NKAIN2: variants seen among roughly 807,000 people sequenced by gnomAD.
NKAIN2 encodes the protein sodium/potassium transporting ATPase interacting 2, also known as sodium/potassium-transporting ATPase subunit beta-1-interacting protein 2.
NKAIN2 carries 14 observed loss-of-function variants against 32.6 expected under a neutral mutation model. The observed-to-expected ratio is 0.43, with a 90% CI of 0.28 to 0.67. The LOEUF is 0.67. NKAIN2 is among the 30% of genes least tolerant of loss of function. The pLI, the probability that NKAIN2 is intolerant of heterozygous loss-of-function variation, is 0.17. For missense variants in NKAIN2, 198 were observed against 258.3 expected (o/e 0.77, Z 1.60); for synonymous variants, 80 against 87.2 (o/e 0.92, Z 0.46).
At chr6:124,005,351 ACT>A (rs1780036172) in intron 1 of NKAIN2, among the ~76,000 whole-genome samples, 1 of 152,064 alleles carries the variant, frequency 6.6e-6, no homozygotes, top group African/African-American at 2.4e-5. Context: ...GTTTGCAATG[ACT>A]CTTGCAAATA....
At chr6:124,460,826 C>T (rs1399641254) in intron 3 of NKAIN2, among the ~76,000 whole-genome samples, 1 of 151,572 alleles carries the variant, frequency 6.6e-6, no homozygotes, top group Non-Finnish European at 1.5e-5. Flanking sequence ...TTCTATCTAT[C>T]CTTACCCTTT....
rs772415964 is a variant in NKAIN2, at chr6:124,157,250, G to GACACAC, written c.55-125743_55-125738dup. ...ACACGGTGGGAGGTGTGTCATAATG[G>GACACAC]ACACACACACACACACATACACACA... On this transcript the variant is annotated intron_variant, in intron 1 of 6. Transcript: ENST00000368417. Among the ~76,000 whole-genome samples the GACACAC allele has an allele frequency of 1.5e-3, 164 of 109,920 alleles. 1 individual carries two copies. The highest frequency in any genetic ancestry group is 7.0e-3 in the South Asian group (23 of 3,290). The allele number at this position is 109,920 out of a possible 152,430, so 72.1% of individuals were successfully genotyped here. A position where few individuals can be genotyped will look rare whatever the true frequency, so the allele number is the denominator to read the frequency against.
At chr6:124,807,477 C>T (rs1478129312) in intron 5 of NKAIN2, among the ~76,000 whole-genome samples, 14 of 151,054 alleles carry the variant, frequency 9.3e-5, no homozygotes, top group Admixed American at 2.6e-4. Context: ...ATCTCTGGGA[C>T]GCATTCAAAG....
intron 3 of NKAIN2, among the ~76,000 whole-genome samples, chr6:124,600,745 A>G (rs191200067): frequency 1.4e-3 from 213 of 152,242 alleles, no homozygotes; most frequent in African/African-American, 4.8e-3. Flanking sequence ...AAAGTCAGTT[A>G]TAGTTTTTTT....
chr6:124,343,392 A>C (rs9482538), intron 2 of NKAIN2, among the ~76,000 whole-genome samples: 4 of 148,470 alleles, frequency 2.7e-5, no homozygotes, highest in Non-Finnish European at 6.0e-5. Context: ...TCTAGATCCC[A>C]GAGGAATCGC....
chr6:124,575,129 T>C (rs139708685), intron 3 of NKAIN2, among the ~76,000 whole-genome samples: 55 of 152,324 alleles, frequency 3.6e-4, no homozygotes, highest in African/African-American at 1.3e-3. Flanking sequence ...AACTTCCTTT[T>C]GTAAGCTTTT....
chr6:123,890,441 G>A (rs1056710111), intron 1 of NKAIN2, among the ~76,000 whole-genome samples: 4 of 151,742 alleles, frequency 2.6e-5, no homozygotes, highest in Non-Finnish European at 4.4e-5. Context: ...ATCAGTAATG[G>A]GGAATACTAT....
chr6:124,546,475 T>C (rs1780097867), intron 3 of NKAIN2, among the ~76,000 whole-genome samples: 1 of 152,090 alleles, frequency 6.6e-6, no homozygotes, highest in Non-Finnish European at 1.5e-5. Context: ...TCAGAGATGC[T>C]TAGCATGGTG....
At chr6:123,939,327 G>T (rs1418194306) in intron 1 of NKAIN2, among the ~76,000 whole-genome samples, 1 of 151,854 alleles carries the variant, frequency 6.6e-6, no homozygotes. Flanking sequence ...GTAAACTAAT[G>T]CCTTACCCCG....
intron 3 of NKAIN2, among the ~76,000 whole-genome samples, chr6:124,560,975 C>A (rs575622668): frequency 6.6e-6 from 1 of 152,244 alleles, no homozygotes; most frequent in African/African-American, 2.4e-5. Flanking sequence ...TGAAGCCCAG[C>A]AATCTTCTAG....
chr6:124,131,757 C>T (rs191905495), intron 1 of NKAIN2, among the ~76,000 whole-genome samples: 1 of 152,224 alleles, frequency 6.6e-6, no homozygotes, highest in African/African-American at 2.4e-5. Flanking sequence ...GGAAGGCATC[C>T]CTGACTATGT....
rs117178381 is a variant in NKAIN2 at position 124,767,574 on chromosome 6, G to T, written c.475-23765G>T. 1.2e-3 allele frequency among the ~76,000 whole-genome samples: 180 copies of T among 152,182 alleles called. 3 individuals carry two copies. The East Asian group carries it at 0.032, about 27-fold the overall frequency. ...TAAAATATCTACTCAGCTCTTTATA[G>T]CCTTCAGCTCTATTTTTTTTCTCCC... On this transcript the variant is annotated intron_variant, in intron 4 of 6. Transcript: ENST00000368417.
At chr6:123,910,726 G>A (rs905296058) in intron 1 of NKAIN2, among the ~76,000 whole-genome samples, 3 of 151,580 alleles carry the variant, frequency 2.0e-5, no homozygotes, top group Non-Finnish European at 4.4e-5. Context: ...GGATGGTCTC[G>A]ATCTCTTGAC....
chr6:124,670,382 A>T (rs1052206174), intron 4 of NKAIN2, among the ~76,000 whole-genome samples: 29 of 152,100 alleles, frequency 1.9e-4, no homozygotes, highest in African/African-American at 7.0e-4. Flanking sequence ...AGTGTTTTTA[A>T]AAGATTCATT....
chr6:124,530,100 C>T (rs916428942), intron 3 of NKAIN2, among the ~76,000 whole-genome samples: 2 of 152,128 alleles, frequency 1.3e-5, no homozygotes, highest in African/African-American at 4.8e-5. Flanking sequence ...CACAGTTGAC[C>T]CTTGAACAAT....
intron 4 of NKAIN2, among the ~76,000 whole-genome samples, chr6:124,702,077 G>A (rs569015664): frequency 6.6e-6 from 1 of 152,002 alleles, no homozygotes; most frequent in East Asian, 1.9e-4. Flanking sequence ...TTTGAAGTTG[G>A]GTTACATTGA....
At chr6:124,170,367 A>G (rs910757866) in intron 1 of NKAIN2, among the ~76,000 whole-genome samples, 1 of 152,216 alleles carries the variant, frequency 6.6e-6, no homozygotes, top group African/African-American at 2.4e-5. Context: ...GAATGAATAT[A>G]AGGGAACACT....
chr6:124,313,440 G>A (rs1796806232), intron 2 of NKAIN2, among the ~76,000 whole-genome samples: 1 of 152,128 alleles, frequency 6.6e-6, no homozygotes, highest in South Asian at 2.1e-4. Context: ...CATTAGTTCA[G>A]TTTAAAACTT....
rs181509736 is a variant in NKAIN2 at position 124,429,909 on chromosome 6, A to T, written c.273+74562A>T. 1.2e-3 allele frequency among the ~76,000 whole-genome samples: 178 copies of T among 152,286 alleles called. 1 individual carries two copies. The highest frequency in any genetic ancestry group is 9.8e-3 in the Admixed American group (150 of 15,290). On this transcript the variant is annotated intron_variant, in intron 3 of 6. Coordinates refer to ENST00000368417, the MANE Select transcript of NKAIN2 (RefSeq NM_001040214.3). Reference sequence around the variant, plus strand: ...GTGCAAGATGCTAGAAAGAATTAGCATCGGGGACAGAGCTGAAATAACATG... The same window carrying T: ...GTGCAAGATGCTAGAAAGAATTAGCTTCGGGGACAGAGCTGAAATAACATG...
Sources: allele counts gnomAD v4.1 joint callset (sites outside exome capture counted in the v4.1 genomes callset), GRCh38; gene constraint gnomAD v4.1.1; transcripts MANE v1.5; gene names NCBI Gene and HGNC (gene_info 2026-07-23, HGNC 2026-07-21).